The following CFAP54 variants were observed in gnomAD, a reference collection of about 807,000 sequenced individuals.
CFAP54 encodes the protein cilia and flagella associated protein 54.
CFAP54 carries 290 observed loss-of-function variants against 370.4 expected under a neutral mutation model. That is an observed-to-expected ratio of 0.78 (90% CI 0.71 to 0.86). CFAP54 has a LOEUF of 0.86. CFAP54 is among the 40% of genes least tolerant of loss of function. The pLI is 0.00. For missense variants in CFAP54, 3,399 were observed against 3,528.7 expected, an observed-to-expected ratio of 0.96 and a Z score of 0.93; for synonymous variants, 1,206 against 1,236.5, an observed-to-expected ratio of 0.98 and a Z score of 0.52.
At chr12:96,700,392 C>T (rs746969128) in intron 46 of CFAP54, among the ~76,000 whole-genome samples, 3 of 152,114 alleles carry the variant, frequency 2.0e-5, no homozygotes, top group Non-Finnish European at 4.4e-5. Flanking sequence ...CATTTATCAG[C>T]CACTACTGCT....
intron 45 of CFAP54, among the ~76,000 whole-genome samples, chr12:96,697,976 C>G (rs1413041220): frequency 6.6e-6 from 1 of 152,192 alleles, no homozygotes; most frequent in Non-Finnish European, 1.5e-5. Flanking sequence ...ACTAAGGTCC[C>G]TTAGCAGATT....
chr12:96,603,931 TTACTG>T (rs1254849210), intron 26 of CFAP54, among the ~76,000 whole-genome samples: 3 of 152,046 alleles, frequency 2.0e-5, no homozygotes, highest in Non-Finnish European at 4.4e-5. Flanking sequence ...AAGTTTGTTA[TTACTG>T]ACCTTCTGAA....
At chr12:96,704,519 G>C (rs1326984952) in intron 46 of CFAP54, among the ~76,000 whole-genome samples, 1 of 103,626 alleles carries the variant, frequency 9.7e-6, no homozygotes, top group Admixed American at 1.2e-4. Flanking sequence ...ACATCAAAAA[G>C]AAGTTAGTAG....
chr12:96,874,295 T>C (rs891844838), intron 67 of CFAP54, among the ~76,000 whole-genome samples: 4 of 152,204 alleles, frequency 2.6e-5, no homozygotes, highest in Non-Finnish European at 5.9e-5. Flanking sequence ...ATTTCTAATA[T>C]GCATATAGTG....
intron 30 of CFAP54, 48 bp downstream of exon 30, chr12:96,626,987 A>G: frequency 8.2e-7 from 1 of 1,216,192 alleles, no homozygotes; most frequent in Non-Finnish European, 1.0e-6. Flanking sequence ...TTAAAAAATG[A>G]ATATCATTGT....
intron 19 of CFAP54, among the ~76,000 whole-genome samples, chr12:96,568,897 G>T (rs1299462445): frequency 6.6e-6 from 1 of 150,392 alleles, no homozygotes; most frequent in African/African-American, 2.5e-5. Flanking sequence ...TTCCAAGTGA[G>T]ATGACTGGCT....
chr12:96,691,323 T>A lies in CFAP54; in HGVS notation c.6264+13T>A. ...GCAAAACCTAATAGTAAGTAATTTG[T>A]AAAATAAAAATTATATATCACTGGG... On this transcript the variant is annotated intron_variant, in intron 44 of 67. Coordinates refer to ENST00000524981, the MANE Select transcript of CFAP54 (RefSeq NM_001306084.2). The A allele has an allele frequency of 6.4e-7, 1 of 1,551,464 alleles. No individual in the cohort carries two copies. Among genetic ancestry groups the A allele is most frequent in the Admixed American group, 2.1e-5 (1 of 47,298 alleles).
At chr12:96,617,625 C>T (rs1014170874) in intron 26 of CFAP54, among the ~76,000 whole-genome samples, 5 of 152,206 alleles carry the variant, frequency 3.3e-5, no homozygotes, top group African/African-American at 7.2e-5. Flanking sequence ...TCCAGTGCTA[C>T]GATCACACAC....
intron 19 of CFAP54, among the ~76,000 whole-genome samples, chr12:96,573,673 G>A (rs575195140): frequency 6.6e-6 from 1 of 152,294 alleles, no homozygotes; most frequent in South Asian, 2.1e-4. Context: ...TTGGTTGAAT[G>A]AGTGAAAAAG....
rs754290488 is a variant in CFAP54, at chr12:96,589,447, CTA to C, written c.3098_3099del (p.Tyr1033Ter). ...TATAGGTTGCCTATCAAGTTGGTAA[CTA>C]TGAATTGGCTAAGAAAGTTTTCTCA... Reference protein sequence around the residue: ...LTQVAYQVGNYELAKKVFSPV... With the variant: ...LTQVAYQVGNXELAKKVFSPV... On this transcript the variant is annotated frameshift_variant, in exon 23 of 68. Transcript: ENST00000524981. LOFTEE classifies it high-confidence loss of function. 8 of 1,532,636 alleles carry C rather than the reference CTA, an allele frequency of 5.2e-6. No homozygotes were observed. The highest frequency in any genetic ancestry group is 7.0e-6 in the Non-Finnish European group (8 of 1,144,324). 94.9% of individuals were successfully genotyped at this position (1,532,636 alleles called of 1,614,324 possible).
At chr12:96,491,536 G>T (rs1415443251) in intron 1 of CFAP54, among the ~76,000 whole-genome samples, 2 of 152,170 alleles carry the variant, frequency 1.3e-5, no homozygotes, top group East Asian at 3.9e-4. Flanking sequence ...TGAGCCCTGG[G>T]ATGCTCCAGC....
At chr12:96,816,433 A>G (rs1592781250) in intron 64 of CFAP54, among the ~76,000 whole-genome samples, 2 of 152,224 alleles carry the variant, frequency 1.3e-5, no homozygotes, top group South Asian at 4.1e-4. Flanking sequence ...TTTAACAACA[A>G]ATCTTTGCAT....
chr12:96,657,222 T>C (rs1956931232), intron 36 of CFAP54, among the ~76,000 whole-genome samples: 1 of 152,200 alleles, frequency 6.6e-6, no homozygotes, highest in South Asian at 2.1e-4. Flanking sequence ...TTTCCAGAGG[T>C]ATACACAAAT....
chr12:96,583,434 A>G (rs952299585), intron 22 of CFAP54, among the ~76,000 whole-genome samples: 3 of 152,172 alleles, frequency 2.0e-5, no homozygotes, highest in Admixed American at 6.6e-5. Flanking sequence ...ACAAAATGCC[A>G]TATTTGAGTG....
At chr12:96,815,345 A>G (rs1318572523) in intron 64 of CFAP54, among the ~76,000 whole-genome samples, 1 of 151,964 alleles carries the variant, frequency 6.6e-6, no homozygotes, top group Non-Finnish European at 1.5e-5. Context: ...TGGCTGCCTA[A>G]ATGTCTTTTT....
At chr12:96,636,521 C>T (rs963984324) in intron 32 of CFAP54, among the ~76,000 whole-genome samples, 2 of 152,042 alleles carry the variant, frequency 1.3e-5, no homozygotes, top group African/African-American at 4.8e-5. Context: ...GTATTTTTGT[C>T]ATTTGTTTTG....
At chr12:96,574,940 G>A (rs1218585120) in intron 19 of CFAP54, among the ~76,000 whole-genome samples, 1 of 152,046 alleles carries the variant, frequency 6.6e-6, no homozygotes, top group Non-Finnish European at 1.5e-5. Context: ...AAATGGCATA[G>A]GAATGATCAG....
intron 1 of CFAP54, among the ~76,000 whole-genome samples, chr12:96,496,496 T>C (rs541153882): frequency 1.3e-5 from 2 of 152,364 alleles, no homozygotes; most frequent in South Asian, 4.1e-4. Flanking sequence ...GGCTGCTTTG[T>C]CCTCAAGCAT....
At chr12:96,812,320 CCT>C (rs1958935801) in intron 64 of CFAP54, among the ~76,000 whole-genome samples, 1 of 152,154 alleles carries the variant, frequency 6.6e-6, no homozygotes. Flanking sequence ...CCCACCTTTC[CCT>C]CTGTGCCCAG....
Sources: allele counts gnomAD v4.1 joint callset (sites outside exome capture counted in the v4.1 genomes callset), GRCh38; gene constraint gnomAD v4.1.1; transcripts MANE v1.5; gene names NCBI Gene and HGNC (gene_info 2026-07-23, HGNC 2026-07-21).